The following TRPM6 variants were observed in gnomAD, a reference collection of about 807,000 sequenced individuals.
The protein encoded by TRPM6 is channel kinase 2.
In TRPM6, 111 loss-of-function variants were observed where a neutral mutation model predicts 247.6. The observed-to-expected ratio is 0.45, with a 90% CI of 0.38 to 0.52. The LOEUF (loss-of-function observed/expected upper bound fraction) is 0.52, where lower values mean the gene tolerates loss of function less well. Ranked by LOEUF, TRPM6 falls within the 20% of genes least tolerant of loss-of-function variation. TRPM6 has a pLI of 0.00. For missense variants in TRPM6, 2,126 were observed against 2,421.5 expected (o/e 0.88, Z 2.56); for synonymous variants, 892 against 853.8 (o/e 1.04, Z -0.78).
intron 13 of TRPM6, among the ~76,000 whole-genome samples, chr9:74,808,645 T>C (rs1319463843): frequency 6.6e-6 from 1 of 152,254 alleles, no homozygotes; most frequent in Non-Finnish European, 1.5e-5. Flanking sequence ...AAGTCTACAC[T>C]GAATGTGTGT....
chr9:74,853,670 A>C (rs1452496512), intron 3 of TRPM6, among the ~76,000 whole-genome samples: 1 of 152,056 alleles, frequency 6.6e-6, no homozygotes, highest in African/African-American at 2.4e-5. Flanking sequence ...CATGCTCGTT[A>C]AGAGTCATCG....
At chr9:74,847,141 G>C (rs1221763140) in intron 3 of TRPM6, among the ~76,000 whole-genome samples, 1 of 152,094 alleles carries the variant, frequency 6.6e-6, no homozygotes, top group Non-Finnish European at 1.5e-5. Flanking sequence ...GTACTAGCAA[G>C]GACACATTTC....
chr9:74,826,487 A>T (rs186945356), intron 7 of TRPM6, among the ~76,000 whole-genome samples: 9 of 152,252 alleles, frequency 5.9e-5, no homozygotes, highest in African/African-American at 2.2e-4. Flanking sequence ...TTAATTCGGC[A>T]CAAGAGGCAG....
At chr9:74,790,362 TTTAAG>T (rs1827859703) in intron 19 of TRPM6, among the ~76,000 whole-genome samples, 1 of 152,200 alleles carries the variant, frequency 6.6e-6, no homozygotes, top group Admixed American at 6.5e-5. Flanking sequence ...AGGGACACAC[TTTAAG>T]TTAATTTGTT....
chr9:74,786,448 C>A (rs1028340060), intron 20 of TRPM6, among the ~76,000 whole-genome samples: 5 of 152,100 alleles, frequency 3.3e-5, no homozygotes, highest in Non-Finnish European at 7.4e-5. Flanking sequence ...TTTTAAAACT[C>A]AATACTGCAG....
intron 13 of TRPM6, among the ~76,000 whole-genome samples, chr9:74,808,482 T>A (rs1828614204): frequency 6.6e-6 from 1 of 152,204 alleles, no homozygotes; most frequent in Non-Finnish European, 1.5e-5. Flanking sequence ...TACACACACG[T>A]TTGAGTAAAA....
chr9:74,874,519 C>T (rs1163455640), intron 1 of TRPM6, among the ~76,000 whole-genome samples: 1 of 152,046 alleles, frequency 6.6e-6, no homozygotes, highest in Non-Finnish European at 1.5e-5. Context: ...TCACTGAGGA[C>T]CGCAACTCCA....
At chr9:74,757,780 G>C (rs893563780) in intron 27 of TRPM6, among the ~76,000 whole-genome samples, 1 of 152,060 alleles carries the variant, frequency 6.6e-6, no homozygotes, top group Non-Finnish European at 1.5e-5. Context: ...AGGCATGGTG[G>C]TGGGCACCTG....
chr9:74,727,831 C>A (rs1440579899), intron 38 of TRPM6, among the ~76,000 whole-genome samples: 1 of 152,058 alleles, frequency 6.6e-6, no homozygotes, highest in African/African-American at 2.4e-5. Flanking sequence ...CATACCACAC[C>A]CTCCCAAGTA....
chr9:74,847,037 G>A (rs1332299090), intron 3 of TRPM6, among the ~76,000 whole-genome samples: 1 of 152,078 alleles, frequency 6.6e-6, no homozygotes, highest in Non-Finnish European at 1.5e-5. Context: ...GTACACAGAC[G>A]AGGTGTTCTG....
At chr9:74,887,101 C>T in intron 1 of TRPM6, 1 of 508,170 alleles carries the variant, frequency 2.0e-6, no homozygotes, top group Non-Finnish European at 3.2e-6. Flanking sequence ...CCTCCCTCTC[C>T]AAGCCCCCAG....
intron 11 of TRPM6, 129 bp from the exon 12 acceptor site, chr9:74,812,562 T>G: frequency 1.1e-6 from 1 of 873,376 alleles, no homozygotes; most frequent in Non-Finnish European, 1.7e-6. Context: ...CATCAGTGGG[T>G]ACAGAAAAAA....
chr9:74,765,355 A>T (rs1482731298), intron 25 of TRPM6, among the ~76,000 whole-genome samples: 2 of 152,060 alleles, frequency 1.3e-5, no homozygotes, highest in East Asian at 3.9e-4. Flanking sequence ...AAGAGCAAAA[A>T]AAAAAAAAAC....
chr9:74,739,340 A>T lies in TRPM6; in HGVS notation c.5570+27T>A, dbSNP rs763524893. The T allele has an allele frequency of 1.3e-5, 21 of 1,601,018 alleles. No homozygotes were observed. The Admixed American group carries it at 3.5e-4, about 27-fold the overall frequency. On this transcript the variant is annotated intron_variant, in intron 35 of 38. Coordinates refer to ENST00000360774, the MANE Select transcript of TRPM6 (RefSeq NM_017662.5). ...TGATAGAAATTCCTACTTGAAACAA[A>T]GGGCCAAGGTGCCAAGATTTTCTTA...
intron 3 of TRPM6, among the ~76,000 whole-genome samples, chr9:74,853,228 G>A (rs896509009): frequency 1.3e-5 from 2 of 149,694 alleles, no homozygotes; most frequent in East Asian, 2.0e-4. Context: ...CCGCCCCATC[G>A]GGGAAGTGAG....
At chr9:74,770,199 C>T (rs1245089082) in intron 25 of TRPM6, among the ~76,000 whole-genome samples, 1 of 151,970 alleles carries the variant, frequency 6.6e-6, no homozygotes, top group East Asian at 1.9e-4. Context: ...CCATAGTGAA[C>T]CATTTAGAAA....
At chr9:74,797,353 A>C (rs1828134569) in intron 17 of TRPM6, among the ~76,000 whole-genome samples, 1 of 152,194 alleles carries the variant, frequency 6.6e-6, no homozygotes, top group Admixed American at 6.5e-5. Context: ...CCCGACCCCA[A>C]GGATACCAAA....
At chr9:74,852,745 G>C (rs1343365530) in intron 3 of TRPM6, among the ~76,000 whole-genome samples, 5 of 152,180 alleles carry the variant, frequency 3.3e-5, no homozygotes, top group Admixed American at 6.5e-5. Flanking sequence ...TGCCCGCCTC[G>C]GCCTCCCGAG....
intron 16 of TRPM6, 54 bp from the exon 17 acceptor site, chr9:74,800,536 A>G: frequency 8.3e-7 from 1 of 1,210,648 alleles, no homozygotes; most frequent in South Asian, 1.2e-5. Flanking sequence ...GAGCTGCATT[A>G]TTAGAAACAT....
Sources: allele counts gnomAD v4.1 joint callset (sites outside exome capture counted in the v4.1 genomes callset), GRCh38; gene constraint gnomAD v4.1.1; transcripts MANE v1.5; gene names NCBI Gene and HGNC (gene_info 2026-07-23, HGNC 2026-07-21).